Variants in ATRNL1 observed in about 807,000 individuals in gnomAD.
ATRNL1 encodes attractin like 1.
In ATRNL1, 95 loss-of-function variants were observed where a neutral mutation model predicts 182.7. That is an observed-to-expected ratio of 0.52 (90% CI 0.44 to 0.62). The LOEUF (loss-of-function observed/expected upper bound fraction) is 0.62. Among genes scored for constraint, ATRNL1 ranks in the 20% least tolerant of loss-of-function variants. ATRNL1 has a pLI of 0.00. For synonymous variants in ATRNL1, 576 were observed against 568.3 expected (o/e 1.01, Z -0.19); for missense variants, 1,471 against 1,679.5 (o/e 0.88, Z 2.17).
chr10:115,534,691 C>A (rs1554989646), intron 25 of ATRNL1, among the ~76,000 whole-genome samples: 1 of 152,054 alleles, frequency 6.6e-6, no homozygotes, highest in Non-Finnish European at 1.5e-5. Flanking sequence ...GATGCAGTTT[C>A]TTCCTAGTCT....
chr10:115,236,456 C>T (rs1235861333), intron 9 of ATRNL1, among the ~76,000 whole-genome samples: 3 of 152,134 alleles, frequency 2.0e-5, no homozygotes, highest in African/African-American at 4.8e-5. Flanking sequence ...ATGCTTCATA[C>T]ATTACAAAAT....
intron 1 of ATRNL1, among the ~76,000 whole-genome samples, chr10:115,110,082 A>G (rs1554867501): frequency 6.6e-6 from 1 of 152,300 alleles, no homozygotes. Flanking sequence ...TCATAACATC[A>G]TTATATCAGT....
chr10:115,210,813 T>C (rs1564823147), intron 8 of ATRNL1, among the ~76,000 whole-genome samples: 1 of 151,950 alleles, frequency 6.6e-6, no homozygotes, highest in Non-Finnish European at 1.5e-5. Context: ...ATATATATAT[T>C]TGACTTATCA....
intron 19 of ATRNL1, among the ~76,000 whole-genome samples, chr10:115,386,690 T>C (rs912322351): frequency 2.0e-5 from 3 of 151,878 alleles, no homozygotes; most frequent in African/African-American, 7.3e-5. Flanking sequence ...ATACTTTAAG[T>C]TTTAGGATAC....
chr10:115,620,375 A>G (rs1366902946), intron 26 of ATRNL1, among the ~76,000 whole-genome samples: 6 of 152,200 alleles, frequency 3.9e-5, no homozygotes, highest in Admixed American at 3.9e-4. Context: ...ACATTTCACC[A>G]TGAGAATTGG....
chr10:115,213,382 C>T (rs1402858672), intron 8 of ATRNL1, among the ~76,000 whole-genome samples: 1 of 152,074 alleles, frequency 6.6e-6, no homozygotes, highest in African/African-American at 2.4e-5. Context: ...TTTGCTAGGG[C>T]TGCCAGGGTC....
chr10:115,599,188 A>G (rs560054754), intron 26 of ATRNL1, among the ~76,000 whole-genome samples: 10 of 152,312 alleles, frequency 6.6e-5, no homozygotes, highest in Admixed American at 4.6e-4. Flanking sequence ...TTCCCAAACT[A>G]TGATTTTTGC....
chr10:115,575,820 T>G (rs2133872811), intron 26 of ATRNL1, among the ~76,000 whole-genome samples: 1 of 152,188 alleles, frequency 6.6e-6, no homozygotes, highest in Non-Finnish European at 1.5e-5. Context: ...AGCTATATCC[T>G]TCTGCTATAC....
intron 26 of ATRNL1, among the ~76,000 whole-genome samples, chr10:115,580,582 T>TA (rs1461514940): frequency 6.6e-6 from 1 of 152,118 alleles, no homozygotes. Context: ...TTTGGATTCA[T>TA]ATTATTTGAT....
chr10:115,578,687 AGTTTT>A (rs1373500122), intron 26 of ATRNL1, among the ~76,000 whole-genome samples: 7 of 151,254 alleles, frequency 4.6e-5, no homozygotes, highest in African/African-American at 1.7e-4. Context: ...AAAAAATTTT[AGTTTT>A]GTTAATATTT....
chr10:115,876,163 A>G (rs1055956778), intron 28 of ATRNL1, among the ~76,000 whole-genome samples: 2 of 152,248 alleles, frequency 1.3e-5, no homozygotes, highest in Non-Finnish European at 2.9e-5. Context: ...TTTAATGGTC[A>G]GAACATCACA....
intron 27 of ATRNL1, among the ~76,000 whole-genome samples, chr10:115,736,473 A>G (rs1269012880): frequency 6.6e-6 from 1 of 152,062 alleles, no homozygotes; most frequent in Admixed American, 6.6e-5. Context: ...TTCATTCCGA[A>G]TAAAATTATT....
At chr10:115,543,227 A>G (rs1014569084) in intron 25 of ATRNL1, among the ~76,000 whole-genome samples, 14 of 152,164 alleles carry the variant, frequency 9.2e-5, no homozygotes, top group African/African-American at 3.4e-4. Context: ...AATTTATTCT[A>G]TGCGTGTATT....
chr10:115,587,406 G>T (rs61881063), intron 26 of ATRNL1, among the ~76,000 whole-genome samples: 69,273 of 148,206 alleles, frequency 0.47, 18,400 homozygotes, highest in East Asian at 0.84. Context: ...CTAGCAATCA[G>T]TGAGACTCCG....
chr10:115,270,399 A>G (rs1851806524), intron 13 of ATRNL1, among the ~76,000 whole-genome samples: 1 of 117,524 alleles, frequency 8.5e-6, no homozygotes, highest in South Asian at 2.5e-4. Flanking sequence ...ATATATGTAT[A>G]TTATATATAA....
rs149906068 is a variant in ATRNL1, at chr10:115,337,257, C to T, written c.3175+2838C>T. 2.9e-4 allele frequency among the ~76,000 whole-genome samples: 44 copies of T among 152,174 alleles called. No individual in the cohort carries two copies. In the East Asian group the frequency reaches 8.1e-3, roughly 28 times the overall value. On this transcript the variant is annotated intron_variant, in intron 19 of 28. Transcript: ENST00000355044. Reference sequence around the variant, plus strand: ...ATGGGGTACATGAAATATCTTGATACAGGCATGCAATGTGAAATAATCACT... The same window carrying T: ...ATGGGGTACATGAAATATCTTGATATAGGCATGCAATGTGAAATAATCACT...
intron 24 of ATRNL1, among the ~76,000 whole-genome samples, chr10:115,486,382 A>G (rs906876127): frequency 1.3e-5 from 2 of 152,004 alleles, no homozygotes; most frequent in African/African-American, 4.8e-5. Context: ...AAGTGTCCCT[A>G]TTTCTCCACA....
rs373492757 is a variant in ATRNL1 at position 115,579,282 on chromosome 10, G to A, written c.3795+29746G>A. 9.9e-5 allele frequency among the ~76,000 whole-genome samples: 15 copies of A among 151,840 alleles called. No individual in the cohort carries two copies. In the East Asian group the frequency reaches 2.1e-3, roughly 22 times the overall value. On this transcript the variant is annotated intron_variant, in intron 26 of 28. Transcript: ENST00000355044. ...CTGGATGATCTATCCATTATTGAAA[G>A]TGTAGTATCAAAGTTCTCTATCATT...
chr10:115,320,086 T>C (rs971812921), intron 18 of ATRNL1, among the ~76,000 whole-genome samples: 12 of 152,186 alleles, frequency 7.9e-5, no homozygotes, highest in African/African-American at 2.7e-4. Context: ...AAGGCAGGCC[T>C]GGTGGTAACA....
Sources: gnomAD v4.1 joint callset for allele counts (sites outside exome capture counted in the v4.1 genomes callset) on GRCh38, gnomAD v4.1.1 for gene constraint, MANE v1.5 for transcripts, NCBI Gene and HGNC (gene_info 2026-07-23, HGNC 2026-07-21) for gene names.